P2RY14: variants seen among roughly 807,000 people sequenced by gnomAD.
P2RY14 encodes purinergic receptor P2Y14, also known as P2Y purinoceptor 14.
A neutral mutation model predicts 0.9 loss-of-function variants in P2RY14; 2 were observed. The ratio of observed to expected loss-of-function variants is 2.16; its 90% CI spans 0.88 to 6.79. The LOEUF (loss-of-function observed/expected upper bound fraction) is 6.79. P2RY14 is among the 30% of genes most tolerant of loss of function. The probability of loss-of-function intolerance (pLI) is 0.05; values close to 1 mark genes in which losing one functional copy is unlikely to be tolerated. For synonymous variants in P2RY14, 158 were observed against 147.2 expected (o/e 1.07, Z -0.53); for missense variants, 378 against 400.1 (o/e 0.94, Z 0.47).
intron 1 of P2RY14, among the ~76,000 whole-genome samples, chr3:151,266,729 C>T (rs1559959578): frequency 6.6e-6 from 1 of 152,018 alleles, no homozygotes; most frequent in South Asian, 2.1e-4. Flanking sequence ...TGGCTTGGCA[C>T]AGGGAAAAAT....
chr3:151,262,427 A>G (rs766676265), intron 1 of P2RY14, among the ~76,000 whole-genome samples: 9 of 152,176 alleles, frequency 5.9e-5, no homozygotes, highest in Non-Finnish European at 1.3e-4. Context: ...GTGAATGTAA[A>G]CATGGTACCT....
At chr3:151,265,511 T>C (rs1404077099) in intron 1 of P2RY14, among the ~76,000 whole-genome samples, 1 of 152,192 alleles carries the variant, frequency 6.6e-6, no homozygotes. Flanking sequence ...CACTTGCCGG[T>C]CACTGCCATC....
intron 1 of P2RY14, among the ~76,000 whole-genome samples, chr3:151,271,693 A>G (rs1437509733): frequency 1.3e-5 from 2 of 152,182 alleles, no homozygotes; most frequent in Admixed American, 6.5e-5. Flanking sequence ...CGGGCCCACA[A>G]TATAGGTAAA....
At chr3:151,246,902 T>A (rs1017494067) in intron 1 of P2RY14, among the ~76,000 whole-genome samples, 1 of 151,976 alleles carries the variant, frequency 6.6e-6, no homozygotes, top group African/African-American at 2.4e-5. Context: ...GAATCTACAA[T>A]GAACTGAAAC....
intron 1 of P2RY14, among the ~76,000 whole-genome samples, chr3:151,263,088 G>T (rs534662489): frequency 6.6e-6 from 1 of 152,248 alleles, no homozygotes; most frequent in South Asian, 2.1e-4. Flanking sequence ...GGAGTACATG[G>T]GGTTGACGAG....
chr3:151,261,055 C>T (rs114936559), intron 1 of P2RY14, among the ~76,000 whole-genome samples: 130 of 152,136 alleles, frequency 8.5e-4, no homozygotes, highest in Non-Finnish European at 1.4e-3. Context: ...GGAATGTCAT[C>T]GGCTTTTGTT....
chr3:151,262,979 G>T (rs1739180417), intron 1 of P2RY14, among the ~76,000 whole-genome samples: 1 of 152,112 alleles, frequency 6.6e-6, no homozygotes, highest in African/African-American at 2.4e-5. Context: ...GTTCTCTAGG[G>T]CATCTTAACA....
At chr3:151,233,782 A>G (rs1732194660) in intron 1 of P2RY14, among the ~76,000 whole-genome samples, 1 of 152,324 alleles carries the variant, frequency 6.6e-6, no homozygotes, top group South Asian at 2.1e-4. Context: ...CGAGAGTCCC[A>G]CAGGCATTCT....
intron 1 of P2RY14, among the ~76,000 whole-genome samples, chr3:151,243,295 A>T (rs1442802778): frequency 6.6e-6 from 1 of 151,554 alleles, no homozygotes; most frequent in Non-Finnish European, 1.5e-5. Context: ...GAGAAGAGCA[A>T]CTCCAAGACA....
intron 1 of P2RY14, chr3:151,270,196 C>CATGTGTGTGTGT (rs71621430): frequency 3.9e-5 from 5 of 129,646 alleles, no homozygotes; most frequent in African/African-American, 6.6e-5. Flanking sequence ...AGCAAGCTGT[C>CATGTGTGTGTGT]GTGTGTGTGT....
At chr3:151,222,051 G>A (rs1322666384) in intron 1 of P2RY14, among the ~76,000 whole-genome samples, 1 of 152,224 alleles carries the variant, frequency 6.6e-6, no homozygotes, top group East Asian at 1.9e-4. Context: ...AGTCAAAGGA[G>A]ATCGTTTGGG....
intron 1 of P2RY14, among the ~76,000 whole-genome samples, chr3:151,226,546 G>A (rs990202840): frequency 1.3e-5 from 2 of 152,122 alleles, no homozygotes; most frequent in African/African-American, 4.8e-5. Context: ...TGTTTTATAT[G>A]AATGTGATCC....
At chr3:151,240,200 G>C (rs1270953296) in intron 1 of P2RY14, among the ~76,000 whole-genome samples, 1 of 151,740 alleles carries the variant, frequency 6.6e-6, no homozygotes, top group African/African-American at 2.4e-5. Flanking sequence ...GTAGTCAATG[G>C]GCCTGTGTCA....
intron 1 of P2RY14, among the ~76,000 whole-genome samples, chr3:151,276,094 A>G (rs752786899): frequency 2.6e-5 from 4 of 152,250 alleles, no homozygotes; most frequent in Non-Finnish European, 5.9e-5. Flanking sequence ...AGGAGGCACT[A>G]TTTTCAATTA....
chr3:151,231,277 A>T (rs1385368631), intron 1 of P2RY14, among the ~76,000 whole-genome samples: 1 of 152,238 alleles, frequency 6.6e-6, no homozygotes, highest in East Asian at 1.9e-4. Flanking sequence ...GATTCAGGCA[A>T]TAAGCTTCAA....
intron 1 of P2RY14, among the ~76,000 whole-genome samples, chr3:151,257,411 T>C (rs539383643): frequency 9.9e-5 from 15 of 152,258 alleles, no homozygotes; most frequent in East Asian, 3.8e-4. Context: ...GTCTCCAGAA[T>C]AGATTGCCTT....
intron 1 of P2RY14, among the ~76,000 whole-genome samples, chr3:151,275,883 A>G (rs967181205): frequency 1.3e-4 from 20 of 152,168 alleles, no homozygotes; most frequent in Admixed American, 1.0e-3. Context: ...TTTAGGAGGC[A>G]ATGCATCTTT....
chr3:151,253,490 A>G (rs1287408571), intron 1 of P2RY14, among the ~76,000 whole-genome samples: 1 of 152,072 alleles, frequency 6.6e-6, no homozygotes, highest in Admixed American at 6.6e-5. Flanking sequence ...GCCCTCTTAA[A>G]TTTCAACTTT....
intron 1 of P2RY14, among the ~76,000 whole-genome samples, chr3:151,239,471 G>A (rs192272812): frequency 1.3e-5 from 2 of 152,322 alleles, no homozygotes; most frequent in Admixed American, 1.3e-4. Context: ...GAATCCAACT[G>A]TCTTCTCTAG....
Sources: gnomAD v4.1 joint callset for allele counts (sites outside exome capture counted in the v4.1 genomes callset) on GRCh38, gnomAD v4.1.1 for gene constraint, MANE v1.5 for transcripts, NCBI Gene and HGNC (gene_info 2026-07-23, HGNC 2026-07-21) for gene names.